The following E2F6 variants were observed in gnomAD, a reference collection of about 807,000 sequenced individuals.
The protein encoded by E2F6 is transcription factor E2F6.
E2F6 carries 19 observed loss-of-function variants against 31.5 expected under a neutral mutation model. The observed-to-expected ratio is 0.60, with a 90% CI of 0.42 to 0.89. E2F6 has a LOEUF of 0.89. Among genes scored for constraint, E2F6 ranks in the 40% least tolerant of loss-of-function variants. The pLI, the probability that E2F6 is intolerant of heterozygous loss-of-function variation, is 0.00. For missense variants in E2F6, 269 were observed against 341.6 expected (o/e 0.79, Z 1.67); for synonymous variants, 121 against 127.7 (o/e 0.95, Z 0.36).
At chr2:11,447,892 T>A (rs1670822790) in intron 5 of E2F6, 118 bp from the exon 6 acceptor site, 3 of 1,185,470 alleles carry the variant, frequency 2.5e-6, no homozygotes, top group East Asian at 5.1e-5. Context: ...GTAGTCACAT[T>A]ACAGCACTGG....
Position 11,451,509 on chromosome 2 carries a change from C to T in E2F6, c.536+142G>A, listed in dbSNP as rs567183759. The T allele has an allele frequency of 7.0e-5, 58 of 825,634 alleles. 1 individual carries two copies. The Admixed American group carries it at 9.3e-4, about 13-fold the overall frequency. The allele number at this position is 825,634 out of a possible 1,614,324, so 51.1% of individuals were successfully genotyped here. On this transcript the variant is annotated intron_variant, in intron 4 of 6. Coordinates refer to ENST00000381525, the MANE Select transcript of E2F6 (RefSeq NM_198256.4). ...GGGATTACAGCCATGTGTGCCACCA[C>T]GCCTGGCTAATTTTGTATTTAACTT... is the stretch of plus-strand genomic sequence containing the variant.
At chr2:11,461,164 C>A (rs1429417049) in intron 1 of E2F6, among the ~76,000 whole-genome samples, 3 of 152,136 alleles carry the variant, frequency 2.0e-5, no homozygotes, top group Admixed American at 2.0e-4. Context: ...GATGATACCA[C>A]TGTAGGTGGA....
chr2:11,463,083 G>T (rs1377361728), intron 1 of E2F6, among the ~76,000 whole-genome samples: 1 of 152,188 alleles, frequency 6.6e-6, no homozygotes, highest in East Asian at 1.9e-4. Flanking sequence ...AAACTAAGTG[G>T]TTTTTCCACA....
At chr2:11,450,507 T>C (rs189336013) in intron 4 of E2F6, among the ~76,000 whole-genome samples, 1 of 152,222 alleles carries the variant, frequency 6.6e-6, no homozygotes, top group Non-Finnish European at 1.5e-5. Context: ...AGCTAGATCT[T>C]ACTATAACTT....
chr2:11,462,976 A>C (rs1671879063), intron 1 of E2F6, among the ~76,000 whole-genome samples: 1 of 152,200 alleles, frequency 6.6e-6, no homozygotes, highest in Non-Finnish European at 1.5e-5. Flanking sequence ...AAAACCCTGA[A>C]GGAGATTTAT....
At chr2:11,461,565 CTGGT>C (rs1671784632) in intron 1 of E2F6, among the ~76,000 whole-genome samples, 1 of 152,064 alleles carries the variant, frequency 6.6e-6, no homozygotes, top group Admixed American at 6.6e-5. Flanking sequence ...ATTAGCCAGG[CTGGT>C]CTCGAAATCC....
In E2F6 at chr2:11,451,243, CCT is replaced by C. The variant is rs375148214; in HGVS notation, c.536+406_536+407del. On this transcript the variant is annotated intron_variant, in intron 4 of 6. Transcript: ENST00000381525. ...ATCAACCTTGGTTTGGTACTGTACC[CCT>C]GAGGTCATCATCCAGAATTTAATCT... 1,081 of 158,902 alleles carry C rather than the reference CCT, an allele frequency of 6.8e-3. 14 individuals carry two copies. Among genetic ancestry groups the C allele is most frequent in the African/African-American group, 0.025 (1,036 of 41,564 alleles). The allele number at this position is 158,902 out of a possible 1,614,324, so 9.8% of individuals were successfully genotyped here.
intron 1 of E2F6, among the ~76,000 whole-genome samples, chr2:11,464,906 A>C (rs1169001541): frequency 1.3e-5 from 2 of 152,226 alleles, no homozygotes; most frequent in Admixed American, 6.5e-5. Flanking sequence ...TTATAGAAAG[A>C]AAGCAGCAGA....
intron 1 of E2F6, among the ~76,000 whole-genome samples, chr2:11,464,807 A>G (rs1299504443): frequency 6.6e-6 from 1 of 152,206 alleles, no homozygotes; most frequent in Non-Finnish European, 1.5e-5. Context: ...CTGCTGTGAG[A>G]AATGAGAAAT....
intron 1 of E2F6, among the ~76,000 whole-genome samples, chr2:11,463,818 G>A (rs1405599349): frequency 6.6e-6 from 1 of 151,952 alleles, no homozygotes; most frequent in African/African-American, 2.4e-5. Context: ...AGGTGTGGTG[G>A]CATGTGCCTG....
chr2:11,452,800 T>C (rs989999403), intron 3 of E2F6, among the ~76,000 whole-genome samples: 1 of 152,232 alleles, frequency 6.6e-6, no homozygotes, highest in Non-Finnish European at 1.5e-5. Context: ...TGCATGCCGA[T>C]ATAAACTCCT....
chr2:11,456,354 C>T (rs1359794529), intron 2 of E2F6, among the ~76,000 whole-genome samples: 1 of 152,106 alleles, frequency 6.6e-6, no homozygotes, highest in Non-Finnish European at 1.5e-5. Context: ...TGACTGCCTT[C>T]TAAGAAGGAG....
chr2:11,458,465 G>C lies in E2F6; in HGVS notation c.109-1232C>G. On this transcript the variant is annotated intron_variant, in intron 1 of 6. Coordinates refer to ENST00000381525, the MANE Select transcript of E2F6 (RefSeq NM_198256.4). Reference sequence around the variant, plus strand: ...ACCCACTGAAGTGGCCAGTGTGTAAGTGACTTGACTTTGAAGCTGGGAGGG... The same window carrying C: ...ACCCACTGAAGTGGCCAGTGTGTAACTGACTTGACTTTGAAGCTGGGAGGG... The C allele has an allele frequency of 4.6e-6, 5 of 1,082,314 alleles. 1 individual carries two copies. The South Asian group carries it at 6.9e-5, about 15-fold the overall frequency. 67.0% of individuals were successfully genotyped at this position (1,082,314 alleles called of 1,614,324 possible). A position where few individuals can be genotyped will look rare whatever the true frequency, so the allele number is the denominator to read the frequency against.
chr2:11,452,206 G>A (rs1177229642), intron 3 of E2F6, among the ~76,000 whole-genome samples: 1 of 152,136 alleles, frequency 6.6e-6, no homozygotes, highest in Non-Finnish European at 1.5e-5. Flanking sequence ...AACATAGGGT[G>A]GGCTAAATGA....
chr2:11,454,373 G>C (rs1009359547), intron 2 of E2F6, among the ~76,000 whole-genome samples: 5 of 148,716 alleles, frequency 3.4e-5, no homozygotes, highest in African/African-American at 9.9e-5. Context: ...TTTTTTGAGA[G>C]AGTCTCGCTC....
Position 11,466,112 on chromosome 2 carries a change from G to T in E2F6, c.-233C>A, listed in dbSNP as rs1672199288. ...AGACGGAAAAAGAGGAGGGAGACCC[G>T]CGGATCTCAAGTCGCCCGGCCCGCC... On this transcript the variant is annotated 5_prime_UTR_variant, in exon 1 of 7. Coordinates refer to ENST00000381525, the MANE Select transcript of E2F6 (RefSeq NM_198256.4). 2.1e-6 allele frequency: 1 copy of T among 486,874 alleles called. No homozygotes were observed. Among genetic ancestry groups the T allele is most frequent in the Non-Finnish European group, 3.6e-6 (1 of 278,052 alleles). 30.2% of individuals were successfully genotyped at this position (486,874 alleles called of 1,614,324 possible). A position where few individuals can be genotyped will look rare whatever the true frequency, so the allele number is the denominator to read the frequency against.
chr2:11,459,419 C>T (rs114691035), intron 1 of E2F6, among the ~76,000 whole-genome samples: 1,549 of 152,256 alleles, frequency 0.01, 4 homozygotes, highest in Middle Eastern at 0.031. Context: ...TCTTTGCTAT[C>T]AATGCAGTTC....
At chr2:11,457,634 C>A (rs1671490957) in intron 1 of E2F6, among the ~76,000 whole-genome samples, 1 of 151,980 alleles carries the variant, frequency 6.6e-6, no homozygotes, top group Admixed American at 6.6e-5. Context: ...AAAAACAAAA[C>A]AAAACAAAAA....
intron 1 of E2F6, among the ~76,000 whole-genome samples, chr2:11,457,887 T>A: frequency 6.6e-6 from 1 of 152,174 alleles, no homozygotes; most frequent in East Asian, 1.9e-4. Context: ...AAACAATGCA[T>A]GCTGTGGGTA....
Sources: allele counts gnomAD v4.1 joint callset (sites outside exome capture counted in the v4.1 genomes callset), GRCh38; gene constraint gnomAD v4.1.1; transcripts MANE v1.5; gene names NCBI Gene and HGNC (gene_info 2026-07-23, HGNC 2026-07-21).